VPS45: variants seen among roughly 807,000 people sequenced by gnomAD.
VPS45 encodes vacuolar protein sorting-associated protein 45.
VPS45 carries 35 observed loss-of-function variants against 75.9 expected under a neutral mutation model. The observed-to-expected ratio is 0.46, with a 90% CI of 0.35 to 0.61. The LOEUF is 0.61. VPS45 is among the 20% of genes least tolerant of loss of function. The pLI, the probability that VPS45 is intolerant of heterozygous loss-of-function variation, is 0.00. For missense variants in VPS45, 559 were observed against 685.9 expected (o/e 0.81, Z 2.07); for synonymous variants, 220 against 238.2 (o/e 0.92, Z 0.70).
chr1:150,109,432 A>G (rs970495407), intron 13 of VPS45: 1 of 152,022 alleles, frequency 6.6e-6, no homozygotes. Flanking sequence ...AAGAACAAAT[A>G]CTCTCTCAGT....
At chr1:150,114,038 T>G (rs1553807736) in intron 14 of VPS45, among the ~76,000 whole-genome samples, 1 of 152,222 alleles carries the variant, frequency 6.6e-6, no homozygotes, top group African/African-American at 2.4e-5. Flanking sequence ...GTCCAGTGTT[T>G]TGGTTTTACC....
At chr1:150,087,646 T>TG (rs1201373408) in intron 10 of VPS45, among the ~76,000 whole-genome samples, 1 of 152,146 alleles carries the variant, frequency 6.6e-6, no homozygotes, top group Non-Finnish European at 1.5e-5. Context: ...AAGGATAAAG[T>TG]GGGATCAAGG....
At chr1:150,077,335 T>G in intron 6 of VPS45, 104 bp downstream of exon 6, 1 of 1,415,990 alleles carries the variant, frequency 7.1e-7, no homozygotes, top group Non-Finnish European at 9.6e-7. Flanking sequence ...AGGAGATGAT[T>G]GTATGTTAGG....
At chr1:150,130,789 C>T (rs60906570) in intron 14 of VPS45, among the ~76,000 whole-genome samples, 3,275 of 152,250 alleles carry the variant, frequency 0.022, 98 homozygotes, top group African/African-American at 0.074. Flanking sequence ...CATCTTTAAA[C>T]ACTTATTCAA....
At chr1:150,100,495 A>G (rs1216587066) in intron 13 of VPS45, among the ~76,000 whole-genome samples, 6 of 152,208 alleles carry the variant, frequency 3.9e-5, no homozygotes, top group African/African-American at 1.4e-4. Flanking sequence ...TAAAATTCAT[A>G]TGGAACCAAA....
At chr1:150,067,673 C>T (rs1654794389), upstream of VPS45, 1 of 553,220 alleles carries the variant, frequency 1.8e-6, no homozygotes, top group Non-Finnish European at 3.2e-6. Context: ...TTTCCATCCC[C>T]GGGGTAGGCT....
intron 14 of VPS45, among the ~76,000 whole-genome samples, chr1:150,130,423 C>T (rs1658772704): frequency 6.6e-6 from 1 of 151,954 alleles, no homozygotes; most frequent in Admixed American, 6.6e-5. Flanking sequence ...GACTCCTGGG[C>T]TCAAGTGATC....
At position 150,093,668 on chromosome 1, in the gene VPS45, A is replaced by T; in HGVS notation, c.1493+20A>T. On this transcript the variant is annotated intron_variant, in intron 13 of 14. Coordinates refer to ENST00000644510, the MANE Select transcript of VPS45 (RefSeq NM_007259.5). ...AGACAGGTAAGCTAACAAAGATATT[A>T]ATAATAAAAGCCAGAAATACTGAAC... 6.2e-7 allele frequency: 1 copy of T among 1,601,830 alleles called. No individual in the cohort carries two copies. Among genetic ancestry groups the T allele is most frequent in the South Asian group, 1.1e-5 (1 of 89,508 alleles).
intron 13 of VPS45, among the ~76,000 whole-genome samples, chr1:150,093,893 A>G (rs1656482314): frequency 6.6e-6 from 1 of 152,258 alleles, no homozygotes; most frequent in Non-Finnish European, 1.5e-5. Flanking sequence ...GTATTTCAGT[A>G]TCAGACCAGT....
rs1656925980 is a variant in VPS45 at position 150,100,592 on chromosome 1, G to C, written c.1493+6944G>C. ...ACCCAACTTCAAACTATACTACAAG[G>C]CTACAGTGACCAAAACAGCATGGTA... On this transcript the variant is annotated intron_variant, in intron 13 of 14. Transcript: ENST00000644510. 2.0e-5 allele frequency among the ~76,000 whole-genome samples: 3 copies of C among 152,238 alleles called. No homozygotes were observed. In the South Asian group the frequency reaches 6.2e-4, roughly 32 times the overall value.
intron 2 of VPS45, among the ~76,000 whole-genome samples, chr1:150,071,426 T>C (rs1553797007): frequency 6.6e-6 from 1 of 152,224 alleles, no homozygotes; most frequent in African/African-American, 2.4e-5. Context: ...AAAGTGAATA[T>C]AATTAACTTT....
intron 14 of VPS45, among the ~76,000 whole-genome samples, 171 bp from the exon 15 acceptor site, chr1:150,144,538 G>C (rs1346691135): frequency 4.0e-5 from 6 of 151,760 alleles, no homozygotes; most frequent in African/African-American, 1.5e-4. Flanking sequence ...CTTGCAGTAT[G>C]GATGTTGTAG....
intron 4 of VPS45, 77 bp from the exon 5 acceptor site, chr1:150,076,834 CATATT>C (rs71083890): frequency 0.032 from 48,179 of 1,514,398 alleles, 949 homozygotes; most frequent in Non-Finnish European, 0.038. Flanking sequence ...TTGGCTATAT[CATATT>C]ATATCACTTA....
intron 13 of VPS45, among the ~76,000 whole-genome samples, chr1:150,101,170 G>A (rs2101587366): frequency 6.6e-6 from 1 of 151,624 alleles, no homozygotes; most frequent in South Asian, 2.1e-4. Flanking sequence ...GGGAGGCTGA[G>A]GCAGGAGAAT....
intron 13 of VPS45, among the ~76,000 whole-genome samples, chr1:150,097,884 G>T (rs1284755233): frequency 6.6e-6 from 1 of 151,890 alleles, no homozygotes; most frequent in African/African-American, 2.4e-5. Context: ...ACAGGGTCTG[G>T]CTCTGTAGCC....
chr1:150,145,142 T>C lies in VPS45; in HGVS notation c.*346T>C, dbSNP rs587716638. 1.0e-5 allele frequency: 5 copies of C among 479,384 alleles called. No individual in the cohort carries two copies. The highest frequency in any genetic ancestry group is 9.5e-5 in the African/African-American group (5 of 52,364). 29.7% of individuals were successfully genotyped at this position (479,384 alleles called of 1,614,324 possible). A position where few individuals can be genotyped will look rare whatever the true frequency, so the allele number is the denominator to read the frequency against. On this transcript the variant is annotated 3_prime_UTR_variant, in exon 15 of 15. Transcript: ENST00000644510. ...CATTTGATGTACATACCACACTCCT[T>C]GGCTTCCTTTCTCTTCCCTTAACCC...
intron 13 of VPS45, among the ~76,000 whole-genome samples, chr1:150,105,889 T>C (rs1160380946): frequency 1.3e-5 from 2 of 152,154 alleles, no homozygotes; most frequent in Admixed American, 6.5e-5. Context: ...AACAGCATGG[T>C]ACTGGTACAA....
Position 150,068,785 on chromosome 1 carries a change from C to G in VPS45, c.228+21C>G, listed in dbSNP as rs145242598. On this transcript the variant is annotated intron_variant, in intron 2 of 14. Transcript: ENST00000644510. ...CAAAGGTACTGCATAAACTGAGCTTCCATCTGCCCAGGCAGATGCAGAACA... is the reference window on the plus strand; with the variant it reads ...CAAAGGTACTGCATAAACTGAGCTTGCATCTGCCCAGGCAGATGCAGAACA... The G allele has an allele frequency of 2.5e-5, 39 of 1,582,538 alleles. No homozygotes were observed. The African/African-American group carries it at 4.2e-4, about 17-fold the overall frequency.
chr1:150,072,222 C>T lies in VPS45; in HGVS notation c.285C>T (p.Phe95=), dbSNP rs140400945. The change falls in exon 3 of 15, where the codon TTC becomes TTT. Residue 95 remains phenylalanine (F), a synonymous_variant. Coordinates refer to ENST00000644510, the MANE Select transcript of VPS45 (RefSeq NM_007259.5). The stretch of plus-strand genomic sequence containing the variant: ...GAAGACCCAAATACACTATATATTT[C>T]ATTTGTAAGTATGTTAGTTCACTTT... ...ELRRPKYTIY[F]IYFSNVISKS... 1 of 1,594,344 alleles carries T rather than the reference C, an allele frequency of 6.3e-7. No individual in the cohort carries two copies. Among genetic ancestry groups the T allele is most frequent in the Non-Finnish European group, 8.6e-7 (1 of 1,168,368 alleles).
Sources: allele counts gnomAD v4.1 joint callset (sites outside exome capture counted in the v4.1 genomes callset), GRCh38; gene constraint gnomAD v4.1.1; transcripts MANE v1.5; gene names NCBI Gene and HGNC (gene_info 2026-07-23, HGNC 2026-07-21).